Variants in LIPE observed in about 807,000 individuals in gnomAD.
LIPE encodes the protein lipase E, hormone sensitive type, also known as hormone-sensitive lipase.
A neutral mutation model predicts 88.5 loss-of-function variants in LIPE; 66 were observed. The observed-to-expected ratio is 0.75, with a 90% confidence interval of 0.61 to 0.91. The LOEUF is 0.91. Among genes scored for constraint, LIPE ranks in the 40% least tolerant of loss-of-function variants. The probability of loss-of-function intolerance (pLI) is 0.00; values close to 1 mark genes in which losing one functional copy is unlikely to be tolerated. For missense variants in LIPE, 1,346 were observed against 1,434.7 expected (o/e 0.94, Z 1.00); for synonymous variants, 570 against 617.5 (o/e 0.92, Z 1.14).
Position 42,402,926 on chromosome 19 carries a change from C to T in LIPE, c.2648G>A (p.Gly883Glu), listed in dbSNP as rs1600101728. 1 of 1,611,532 alleles carries T rather than the reference C, an allele frequency of 6.2e-7. No homozygotes were observed. The highest frequency in any genetic ancestry group is 8.5e-7 in the Non-Finnish European group (1 of 1,179,972). ...GGTGTCCGACGACGTCTCGGAGTTTCCCCTCAGGCTCAAGTCCCTCAGGGT... is the reference window on the plus strand; with the variant it reads ...GGTGTCCGACGACGTCTCGGAGTTTTCCCTCAGGCTCAAGTCCCTCAGGGT... ...NLTLRDLSLR[G>E]NSETSSDTPE... Residue 883 changes from glycine to glutamate, a missense_variant, in exon 9 of 10, where the codon GGA becomes GAA. Physicochemically the swap from Gly to Glu is moderately conservative, Grantham distance 98. Coordinates refer to ENST00000244289, the MANE Select transcript of LIPE (RefSeq NM_005357.4).
intron 1 of LIPE, chr19:42,425,346 G>A (rs2147679127): frequency 6.6e-6 from 1 of 152,380 alleles, no homozygotes; most frequent in South Asian, 2.1e-4. Context: ...CTAGCTCAGA[G>A]TGCCTTCCCA....
At chr19:42,411,903 G>A (rs1228392276) in intron 1 of LIPE, among the ~76,000 whole-genome samples, 1 of 152,310 alleles carries the variant, frequency 6.6e-6, no homozygotes, top group Non-Finnish European at 1.5e-5. Flanking sequence ...CACCACCTAG[G>A]TTCAAATCTC....
chr19:42,407,533 T>A lies in LIPE; in HGVS notation c.1843-65A>T, dbSNP rs949253988. 2.0e-5 allele frequency: 31 copies of A among 1,577,576 alleles called. No homozygotes were observed. Among genetic ancestry groups the A allele is most frequent in the Non-Finnish European group, 2.6e-5 (30 of 1,158,276 alleles). On this transcript the variant is annotated intron_variant, in intron 5 of 9. Coordinates refer to ENST00000244289, the MANE Select transcript of LIPE (RefSeq NM_005357.4). This position sits in a 1 kb window ranked among gnomAD's most constrained non-coding sequence, Gnocchi z 5.8. Reference sequence around the variant, plus strand: ...AGCTGGCCAGGGCTGCACCCCTCCATGGGGATGCCAAGGTGGGGGCTGCCC... The same window carrying A: ...AGCTGGCCAGGGCTGCACCCCTCCAAGGGGATGCCAAGGTGGGGGCTGCCC...
chr19:42,409,236 C>T (rs1452471248), intron 2 of LIPE, among the ~76,000 whole-genome samples: 1 of 151,910 alleles, frequency 6.6e-6, no homozygotes, highest in African/African-American at 2.4e-5. Flanking sequence ...CAGCGTCTGA[C>T]AGAGCAGACA....
chr19:42,413,005 AC>A (rs2040415399), intron 1 of LIPE, among the ~76,000 whole-genome samples: 1 of 151,928 alleles, frequency 6.6e-6, no homozygotes, highest in South Asian at 2.1e-4. Context: ...CCTGCCACTT[AC>A]CCCTCTCAGC....
chr19:42,412,312 G>T (rs891642098), intron 1 of LIPE: 52 of 985,554 alleles, frequency 5.3e-5, no homozygotes, highest in Non-Finnish European at 6.0e-5. Flanking sequence ...TCCCTTCTAG[G>T]TCCTGGGGCC....
intron 1 of LIPE, among the ~76,000 whole-genome samples, chr19:42,421,649 G>T (rs1385555798): frequency 1.3e-5 from 2 of 152,208 alleles, no homozygotes; most frequent in Admixed American, 6.5e-5. Flanking sequence ...AGGAGGCTGA[G>T]GCAGCCATCT....
chr19:42,403,292 T>TGG (rs200935735), intron 8 of LIPE, among the ~76,000 whole-genome samples: 3 of 129,094 alleles, frequency 2.3e-5, no homozygotes, highest in African/African-American at 5.8e-5. Flanking sequence ...TGTGTGTGTG[T>TGG]GACTGGGAAG....
chr19:42,423,325 C>A, intron 1 of LIPE: 1 of 982,012 alleles, frequency 1.0e-6, no homozygotes, highest in Non-Finnish European at 1.4e-6. Flanking sequence ...ACCCCCCCAA[C>A]TCCCTGTGGC....
chr19:42,414,303 GGAAA>G lies in LIPE; in HGVS notation c.884-3465_884-3462del, dbSNP rs1014649224. Among the ~76,000 whole-genome samples the G allele has an allele frequency of 8.6e-5, 13 of 151,702 alleles. No homozygotes were observed. The highest frequency in any genetic ancestry group is 2.9e-4 in the African/African-American group (12 of 41,322). On this transcript the variant is annotated intron_variant, in intron 1 of 9. Transcript: ENST00000244289. The surrounding 1 kb of genome is among the most constrained non-coding windows in gnomAD (Gnocchi z 4.6). ...AAAGGAAAGAAAGAAAGGAAAGGAAGGAAAGAAAGAAAGGAAAGAAGAAAAGAAA... is the reference window on the plus strand; with the variant it reads ...AAAGGAAAGAAAGAAAGGAAAGGAAGGAAAGAAAGGAAAGAAGAAAAGAAA...
rs181138343 is a variant in LIPE at position 42,414,938 on chromosome 19, A to G, written c.884-4096T>C. On this transcript the variant is annotated intron_variant, in intron 1 of 9. Coordinates refer to ENST00000244289, the MANE Select transcript of LIPE (RefSeq NM_005357.4). The surrounding 1 kb of genome is among the most constrained non-coding windows in gnomAD (Gnocchi z 4.6). Reference sequence around the variant, plus strand: ...CTCGAGCCTCCATATTCCCTAAGACATACAATATTGAGGCCGGGCACGGTG... The same window carrying G: ...CTCGAGCCTCCATATTCCCTAAGACGTACAATATTGAGGCCGGGCACGGTG... Among the ~76,000 whole-genome samples, 2 of 152,274 alleles carry G rather than the reference A, an allele frequency of 1.3e-5. No homozygotes were observed. The highest frequency in any genetic ancestry group is 1.3e-4 in the Admixed American group (2 of 15,288).
chr19:42,419,944 G>C (rs2147662230), intron 1 of LIPE, among the ~76,000 whole-genome samples: 1 of 151,956 alleles, frequency 6.6e-6, no homozygotes, highest in East Asian at 1.9e-4. Context: ...GCCTAGACTG[G>C]TCTCGAACTC....
intron 1 of LIPE, chr19:42,424,295 A>G (rs1476682282): frequency 6.5e-6 from 3 of 464,776 alleles, no homozygotes; most frequent in African/African-American, 4.0e-5. Flanking sequence ...GGAACGACGC[A>G]TGCTTGAGAA....
In LIPE at chr19:42,426,583, CGTT is replaced by C. The variant is rs1186511644; in HGVS notation, c.564_566del (p.Thr189del). 1 of 1,614,050 alleles carries C rather than the reference CGTT, an allele frequency of 6.2e-7. No homozygotes were observed. Among genetic ancestry groups the C allele is most frequent in the Non-Finnish European group, 8.5e-7 (1 of 1,180,044 alleles). On this transcript the variant is annotated inframe_deletion, in exon 1 of 10. Transcript: ENST00000244289. ...GCTTGGATTTGGCTCCCTGGACTGG[CGTT>C]GTTTGCTTGTCTGACTGTTCAGGTG...
intron 1 of LIPE, among the ~76,000 whole-genome samples, chr19:42,418,535 C>A (rs2040534309): frequency 6.6e-6 from 1 of 152,026 alleles, no homozygotes; most frequent in Non-Finnish European, 1.5e-5. Context: ...AGTATGGGGC[C>A]AGGCGTGGTA....
In LIPE at chr19:42,418,064, C is replaced by G. The variant is rs568530992; in HGVS notation, c.884-7222G>C. The stretch of plus-strand genomic sequence containing the variant: ...ATGGTGCGATCTCAGCTCACCGCAA[C>G]CTCCGCCTCCCAGGTTCAAGTGATT... On this transcript the variant is annotated intron_variant, in intron 1 of 9. Transcript: ENST00000244289. 5.3e-5 allele frequency among the ~76,000 whole-genome samples: 8 copies of G among 151,916 alleles called. No homozygotes were observed. The South Asian group carries it at 1.7e-3, about 32-fold the overall frequency.
intron 1 of LIPE, among the ~76,000 whole-genome samples, chr19:42,421,128 G>A (rs749243496): frequency 2.1e-4 from 32 of 152,024 alleles, no homozygotes; most frequent in Non-Finnish European, 4.0e-4. Flanking sequence ...CAAACTCCTG[G>A]ACTCAAGGGG....
At chr19:42,422,516 T>TG (rs2040618284) in intron 1 of LIPE, among the ~76,000 whole-genome samples, 1 of 152,154 alleles carries the variant, frequency 6.6e-6, no homozygotes, top group Admixed American at 6.5e-5. Flanking sequence ...AGGTCTATTC[T>TG]GGGCTAATGA....
At position 42,406,403 on chromosome 19, in the gene LIPE, G is replaced by C; in HGVS notation, c.2138-15C>G. ...CCCTGTTGAGCCTGGTTTGGGAGAG[G>C]GGTGGTTGGTGACAACCTGGCAGGG... On this transcript the variant is annotated splice_polypyrimidine_tract_variant and intron_variant, in intron 6 of 9. Coordinates refer to ENST00000244289, the MANE Select transcript of LIPE (RefSeq NM_005357.4). This position sits in a 1 kb window ranked among gnomAD's most constrained non-coding sequence, Gnocchi z 5.7. The C allele has an allele frequency of 6.2e-7, 1 of 1,605,320 alleles. No homozygotes were observed. The highest frequency in any genetic ancestry group is 8.5e-7 in the Non-Finnish European group (1 of 1,172,550).
Sources: allele counts gnomAD v4.1 joint callset (sites outside exome capture counted in the v4.1 genomes callset), GRCh38; gene constraint gnomAD v4.1.1; non-coding constraint Gnocchi (gnomAD v3.1); transcripts MANE v1.5; gene names NCBI Gene and HGNC (gene_info 2026-07-23, HGNC 2026-07-21).